SEMA3A: variants seen among roughly 807,000 people sequenced by gnomAD.
The protein encoded by SEMA3A is semaphorin-3A.
SEMA3A carries 29 observed loss-of-function variants against 97.9 expected under a neutral mutation model. The ratio of observed to expected loss-of-function variants is 0.30; its 90% CI spans 0.22 to 0.40. The LOEUF (loss-of-function observed/expected upper bound fraction) is 0.40. SEMA3A is among the 10% of genes least tolerant of loss of function. SEMA3A has a pLI of 1.00. For synonymous variants in SEMA3A, 321 were observed against 323.7 expected (o/e 0.99, Z 0.09); for missense variants, 763 against 951.3 (o/e 0.80, Z 2.60).
At position 84,108,672 on chromosome 7, in the gene SEMA3A, G is replaced by A. The variant is rs151210704; in HGVS notation, c.453+1798C>T. On this transcript the variant is annotated intron_variant, in intron 4 of 16. Transcript: ENST00000265362. The stretch of plus-strand genomic sequence containing the variant: ...TGTAATCCGAGCACTTTGGGAGGCT[G>A]AGGTGGGTGGATTGCCTGAGCTAGG... Among the ~76,000 whole-genome samples, 985 of 152,220 alleles carry A rather than the reference G, an allele frequency of 6.5e-3. 5 individuals carry two copies. Among genetic ancestry groups the A allele is most frequent in the African/African-American group, 0.022 (908 of 41,552 alleles).
chr7:84,108,740 A>T (rs1397005614), intron 4 of SEMA3A, among the ~76,000 whole-genome samples: 1 of 152,046 alleles, frequency 6.6e-6, no homozygotes, highest in Non-Finnish European at 1.5e-5. Flanking sequence ...CCCTGTCTCT[A>T]CTAAAATACA....
chr7:84,259,015 T>C (rs1047526312), intron 3 of SEMA3A, among the ~76,000 whole-genome samples: 8 of 151,894 alleles, frequency 5.3e-5, no homozygotes, highest in African/African-American at 1.9e-4. Context: ...AGCAAAGAAA[T>C]AGGATATCTT....
chr7:84,199,371 A>G (rs1301124914), upstream of SEMA3A, among the ~76,000 whole-genome samples: 1 of 152,184 alleles, frequency 6.6e-6, no homozygotes, highest in Non-Finnish European at 1.5e-5. Flanking sequence ...TGCCACCCTC[A>G]GAAGCAGATG....
At chr7:84,348,849 T>G (rs1055763217) in intron 2 of SEMA3A, among the ~76,000 whole-genome samples, 1 of 152,144 alleles carries the variant, frequency 6.6e-6, no homozygotes, top group Non-Finnish European at 1.5e-5. Context: ...CTGGGCATGG[T>G]GGCAGGTGCC....
chr7:84,057,017 G>A (rs1413451608), intron 5 of SEMA3A, among the ~76,000 whole-genome samples: 2 of 152,188 alleles, frequency 1.3e-5, no homozygotes, highest in South Asian at 4.1e-4. Context: ...CTGAGGCTCA[G>A]AGAGCTTCAA....
At chr7:84,065,351 T>C (rs796790413) in intron 4 of SEMA3A, among the ~76,000 whole-genome samples, 22 of 129,740 alleles carry the variant, frequency 1.7e-4, no homozygotes, top group East Asian at 9.3e-4. Flanking sequence ...AACATCACAA[T>C]TAAAAGAACT....
intron 1 of SEMA3A, among the ~76,000 whole-genome samples, chr7:84,403,055 C>G (rs1803952538): frequency 6.6e-6 from 1 of 152,062 alleles, no homozygotes; most frequent in Admixed American, 6.6e-5. Context: ...GGGTGCAGGA[C>G]AGTGGGTGCA....
intron 6 of SEMA3A, among the ~76,000 whole-genome samples, chr7:84,045,897 G>A (rs762340089): frequency 5.3e-5 from 8 of 151,338 alleles, no homozygotes; most frequent in Non-Finnish European, 8.8e-5. Flanking sequence ...TATTCACACT[G>A]CAATAACATT....
chr7:84,011,171 C>A lies in SEMA3A; in HGVS notation c.925+12G>T. On this transcript the variant is annotated intron_variant, in intron 8 of 16. Coordinates refer to ENST00000265362, the MANE Select transcript of SEMA3A (RefSeq NM_006080.3). Reference sequence around the variant, plus strand: ...AACAAATATTCTCTATACATAAACACTAGCTTCTTACGCAGTTCATCAAAA... The same window carrying A: ...AACAAATATTCTCTATACATAAACAATAGCTTCTTACGCAGTTCATCAAAA... 1 of 1,607,934 alleles carries A rather than the reference C, an allele frequency of 6.2e-7. No homozygotes were observed. Among genetic ancestry groups the A allele is most frequent in the South Asian group, 1.1e-5 (1 of 90,940 alleles).
chr7:84,316,454 A>C (rs1801503314), intron 2 of SEMA3A, among the ~76,000 whole-genome samples: 1 of 152,148 alleles, frequency 6.6e-6, no homozygotes, highest in Non-Finnish European at 1.5e-5. Flanking sequence ...ACACAAAGTA[A>C]AAATTCACTT....
chr7:84,275,310 G>T (rs1201763894), intron 3 of SEMA3A, among the ~76,000 whole-genome samples: 1 of 152,034 alleles, frequency 6.6e-6, no homozygotes, highest in East Asian at 1.9e-4. Flanking sequence ...AGATATTAAT[G>T]ACATGAGACA....
chr7:84,180,282 C>T (rs1387669655), intron 1 of SEMA3A, among the ~76,000 whole-genome samples: 1 of 151,936 alleles, frequency 6.6e-6, no homozygotes, highest in Non-Finnish European at 1.5e-5. Flanking sequence ...TCTCTTTCAC[C>T]TTCCTTCCCT....
intron 1 of SEMA3A, among the ~76,000 whole-genome samples, chr7:84,432,860 A>AT (rs34970127): frequency 0.17 from 23,049 of 138,848 alleles, 1,937 homozygotes; most frequent in Middle Eastern, 0.2. Context: ...ACAAATGTGA[A>AT]TTTTTTTTTT....
At chr7:84,246,520 T>C (rs911464719) in intron 3 of SEMA3A, among the ~76,000 whole-genome samples, 2 of 152,186 alleles carry the variant, frequency 1.3e-5, no homozygotes, top group Non-Finnish European at 2.9e-5. Flanking sequence ...AGGTTATATA[T>C]AGTTACACAA....
chr7:84,179,840 C>T (rs1442508084), intron 1 of SEMA3A, among the ~76,000 whole-genome samples: 1 of 150,740 alleles, frequency 6.6e-6, no homozygotes, highest in African/African-American at 2.4e-5. Context: ...ATCAGAGTTA[C>T]CCCGGACCCC....
chr7:84,084,789 T>TA (rs1191183319), intron 4 of SEMA3A, among the ~76,000 whole-genome samples: 1 of 152,240 alleles, frequency 6.6e-6, no homozygotes, highest in East Asian at 1.9e-4. Flanking sequence ...TTTGTGGTTT[T>TA]AAAAAATCAG....
chr7:84,267,930 G>A (rs1800046210), intron 3 of SEMA3A, among the ~76,000 whole-genome samples: 1 of 151,998 alleles, frequency 6.6e-6, no homozygotes, highest in African/African-American at 2.4e-5. Context: ...AGCTTGGTGT[G>A]TTAATTTCTA....
At chr7:84,349,827 A>G (rs1192380164) in intron 2 of SEMA3A, among the ~76,000 whole-genome samples, 1 of 152,138 alleles carries the variant, frequency 6.6e-6, no homozygotes, top group Non-Finnish European at 1.5e-5. Context: ...CTTTTTCAGT[A>G]TAATCTCTAG....
At chr7:84,018,142 T>C (rs1445511126) in intron 6 of SEMA3A, among the ~76,000 whole-genome samples, 3 of 152,176 alleles carry the variant, frequency 2.0e-5, no homozygotes, top group Non-Finnish European at 1.5e-5. Flanking sequence ...ATGTATTCTG[T>C]AAAGATGGTG....
Sources: gnomAD v4.1 joint callset for allele counts (sites outside exome capture counted in the v4.1 genomes callset) on GRCh38, gnomAD v4.1.1 for gene constraint, MANE v1.5 for transcripts, NCBI Gene and HGNC (gene_info 2026-07-23, HGNC 2026-07-21) for gene names.